Variants in EFCAB5 observed in about 807,000 individuals in gnomAD.
EFCAB5 encodes the protein EF-hand calcium binding domain 5.
In EFCAB5, 131 loss-of-function variants were observed where a neutral mutation model predicts 167.9. That is an observed-to-expected ratio of 0.78 (90% CI 0.68 to 0.90). The LOEUF is 0.90. Among genes scored for constraint, EFCAB5 ranks in the 40% least tolerant of loss-of-function variants. The pLI is 0.00. For synonymous variants in EFCAB5, 574 were observed against 602.8 expected (o/e 0.95, Z 0.70); for missense variants, 1,663 against 1,745.2 (o/e 0.95, Z 0.84).
In EFCAB5 at chr17:30,051,226, C is replaced by T. The variant is rs574960253; in HGVS notation, c.1300+9C>T. ...TCGAAACCCACGACAATGTAAGTGC[C>T]GCTCAGAGGGAGTATGTTCAAGCTG... On this transcript the variant is annotated intron_variant, in intron 9 of 22. Coordinates refer to ENST00000394835, the MANE Select transcript of EFCAB5 (RefSeq NM_198529.4). 1.6e-5 allele frequency: 25 copies of T among 1,612,760 alleles called. No homozygotes were observed. Among genetic ancestry groups the T allele is most frequent in the African/African-American group, 1.1e-4 (8 of 74,988 alleles).
intron 7 of EFCAB5, among the ~76,000 whole-genome samples, chr17:30,033,735 A>G (rs1277069957): frequency 1.3e-5 from 2 of 152,222 alleles, no homozygotes; most frequent in Non-Finnish European, 2.9e-5. Flanking sequence ...ACTTTAAAAG[A>G]AGATCATAGA....
chr17:30,035,992 A>G (rs1236434379), intron 8 of EFCAB5, among the ~76,000 whole-genome samples: 1 of 149,448 alleles, frequency 6.7e-6, no homozygotes, highest in Non-Finnish European at 1.5e-5. Flanking sequence ...TAACATAATG[A>G]CTATGTATAT....
chr17:29,988,444 A>G (rs1268516894), intron 4 of EFCAB5, among the ~76,000 whole-genome samples: 1 of 152,226 alleles, frequency 6.6e-6, no homozygotes, highest in Non-Finnish European at 1.5e-5. Flanking sequence ...GAGCTGAAGT[A>G]TAGGGTGTCT....
At chr17:29,942,146 T>G in intron 1 of EFCAB5, 94 bp from the exon 2 acceptor site, 1 of 1,098,878 alleles carries the variant, frequency 9.1e-7, no homozygotes. Flanking sequence ...GTGAAATTTT[T>G]AAAAATTAAA....
At chr17:30,040,367 C>T (rs193108672) in intron 8 of EFCAB5, among the ~76,000 whole-genome samples, 100 of 152,336 alleles carry the variant, frequency 6.6e-4, no homozygotes, top group Non-Finnish European at 1.1e-3. Flanking sequence ...ATGATCTGAC[C>T]TATCAGTCCA....
At chr17:30,049,764 G>C (rs1252954837) in intron 8 of EFCAB5, among the ~76,000 whole-genome samples, 1 of 152,134 alleles carries the variant, frequency 6.6e-6, no homozygotes, top group African/African-American at 2.4e-5. Context: ...TTCAATGCTG[G>C]CAAGAATGTA....
intron 7 of EFCAB5, among the ~76,000 whole-genome samples, chr17:30,027,421 T>G (rs536505401): frequency 6.6e-6 from 1 of 151,742 alleles, no homozygotes; most frequent in Non-Finnish European, 1.5e-5. Flanking sequence ...TGAACTCTCT[T>G]TATACTTTAT....
intron 3 of EFCAB5, among the ~76,000 whole-genome samples, chr17:29,960,339 T>C (rs2067696554): frequency 6.6e-6 from 1 of 152,214 alleles, no homozygotes; most frequent in Admixed American, 6.5e-5. Context: ...CTTTCTTGTG[T>C]GGATAGTGGT....
intron 3 of EFCAB5, among the ~76,000 whole-genome samples, chr17:29,951,521 T>TA (rs2067510031): frequency 6.7e-6 from 1 of 148,886 alleles, no homozygotes; most frequent in Admixed American, 6.7e-5. Flanking sequence ...GTATTTTTTT[T>TA]TTTATTTTTT....
At chr17:30,016,976 G>A (rs2069057852) in intron 7 of EFCAB5, among the ~76,000 whole-genome samples, 1 of 152,004 alleles carries the variant, frequency 6.6e-6, no homozygotes, top group African/African-American at 2.4e-5. Flanking sequence ...CCAGGAGTTT[G>A]AGACCAGCCT....
At chr17:29,938,845 T>C (rs1174985680), upstream of EFCAB5, among the ~76,000 whole-genome samples, 1 of 152,222 alleles carries the variant, frequency 6.6e-6, no homozygotes, top group Non-Finnish European at 1.5e-5. Flanking sequence ...ACTGAAGTCC[T>C]GGGGCCCTCA....
chr17:29,993,222 C>T lies in EFCAB5; in HGVS notation c.825C>T (p.Asp275=). ...KQNRKQRESI[D]KIIVKVANTR... is the part of the protein sequence containing the mutation. ...ATAGAAAACAAAGAGAAAGCATAGA[C>T]AAAATCATAGTCAAGGTGGCCAACA... The change falls in exon 5 of 23, where the codon GAC becomes GAT. Residue 275 remains aspartate (D), a synonymous_variant. Coordinates refer to ENST00000394835, the MANE Select transcript of EFCAB5 (RefSeq NM_198529.4). The T allele has an allele frequency of 1.9e-6, 3 of 1,613,508 alleles. No homozygotes were observed. The highest frequency in any genetic ancestry group is 1.7e-5 in the Admixed American group (1 of 59,986).
At chr17:30,051,059 C>A in intron 8 of EFCAB5, 59 bp from the exon 9 acceptor site, 1 of 1,481,840 alleles carries the variant, frequency 6.7e-7, no homozygotes, top group Non-Finnish European at 9.4e-7. Context: ...CACGTTCCAA[C>A]TGCATAAAAA....
At chr17:30,053,213 T>A (rs369593328) in intron 9 of EFCAB5, 42 bp from the exon 10 acceptor site, 79 of 1,538,440 alleles carry the variant, frequency 5.1e-5, no homozygotes, top group Non-Finnish European at 6.7e-5. Context: ...TTCTGCATTA[T>A]AAGATCAATG....
intron 5 of EFCAB5, among the ~76,000 whole-genome samples, chr17:29,995,332 C>T (rs73265755): frequency 0.016 from 2,472 of 152,284 alleles, 70 homozygotes; most frequent in African/African-American, 0.055. Context: ...TTTGGTCTTC[C>T]AGAAAGTTAA....
At chr17:29,967,552 G>T (rs549093305) in intron 3 of EFCAB5, among the ~76,000 whole-genome samples, 1 of 152,268 alleles carries the variant, frequency 6.6e-6, no homozygotes, top group South Asian at 2.1e-4. Flanking sequence ...TATCTTTTTA[G>T]TCCTATAGTT....
chr17:29,991,067 G>A (rs547501056), intron 4 of EFCAB5, among the ~76,000 whole-genome samples: 1 of 152,132 alleles, frequency 6.6e-6, no homozygotes, highest in Admixed American at 6.5e-5. Context: ...GTGTGAAAAG[G>A]TTCCAAGGTG....
chr17:30,055,806 A>G (rs1441712236), intron 10 of EFCAB5, 82 bp from the exon 11 acceptor site: 1 of 1,456,440 alleles, frequency 6.9e-7, no homozygotes, highest in South Asian at 1.3e-5. Flanking sequence ...TATGCAATGC[A>G]TTTCTATCAC....
At chr17:30,002,729 G>A (rs768203814) in intron 7 of EFCAB5, among the ~76,000 whole-genome samples, 2 of 152,036 alleles carry the variant, frequency 1.3e-5, no homozygotes, top group Non-Finnish European at 2.9e-5. Flanking sequence ...TTCTTCTATA[G>A]CCATTCTTTT....
Sources: gnomAD v4.1 joint callset for allele counts (sites outside exome capture counted in the v4.1 genomes callset) on GRCh38, gnomAD v4.1.1 for gene constraint, MANE v1.5 for transcripts, NCBI Gene and HGNC (gene_info 2026-07-23, HGNC 2026-07-21) for gene names.